The following CRPPA variants were observed in gnomAD, a reference collection of about 807,000 sequenced individuals.
The protein encoded by CRPPA is CDP-L-ribitol pyrophosphorylase A.
Under a neutral mutation model 52.0 loss-of-function variants are expected in CRPPA, and 43 were observed. The observed-to-expected ratio is 0.83, with a 90% CI of 0.65 to 1.07. The LOEUF (loss-of-function observed/expected upper bound fraction) is 1.07, where lower values mean the gene tolerates loss of function less well. Ranked by LOEUF, CRPPA falls within the 50% of genes least tolerant of loss-of-function variation. The pLI is 0.00. For missense variants in CRPPA, 629 were observed against 551.7 expected (o/e 1.14, Z -1.40); for synonymous variants, 250 against 203.5 (o/e 1.23, Z -1.94).
Position 16,254,771 on chromosome 7 carries a change from C to CAGAAAGAAAGAAAGAA in CRPPA, c.1119+3603_1119+3618dup, listed in dbSNP as rs373072535. Reference sequence around the variant, plus strand: ...ACAGAAAGAAAGAAAGACAGACACACAGAAAGAAAGAAAGAAAGAAGGAAA... The same window carrying CAGAAAGAAAGAAAGAA: ...ACAGAAAGAAAGAAAGACAGACACACAGAAAGAAAGAAAGAAAGAAAGAAAGAAAGAAAGAAGGAAA... On this transcript the variant is annotated intron_variant, in intron 8 of 9. Coordinates refer to ENST00000407010, the MANE Select transcript of CRPPA (RefSeq NM_001101426.4). 9.3e-4 allele frequency among the ~76,000 whole-genome samples: 103 copies of CAGAAAGAAAGAAAGAA among 111,004 alleles called. 2 individuals are homozygous for CAGAAAGAAAGAAAGAA. The highest frequency in any genetic ancestry group is 3.3e-3 in the African/African-American group (94 of 28,474). 72.8% of individuals were successfully genotyped at this position (111,004 alleles called of 152,430 possible).
intron 4 of CRPPA, among the ~76,000 whole-genome samples, chr7:16,303,009 C>T (rs1784822921): frequency 6.6e-6 from 1 of 152,044 alleles, no homozygotes; most frequent in Non-Finnish European, 1.5e-5. Context: ...ATGAATAACC[C>T]ATCAATTGAG....
chr7:16,399,757 C>G (rs1378834642), intron 2 of CRPPA, among the ~76,000 whole-genome samples: 1 of 151,996 alleles, frequency 6.6e-6, no homozygotes. Flanking sequence ...ACACGTTTCT[C>G]ACAAGTGACA....
intron 2 of CRPPA, among the ~76,000 whole-genome samples, chr7:16,403,685 G>C (rs542391562): frequency 1.1e-4 from 17 of 152,304 alleles, no homozygotes; most frequent in Admixed American, 2.0e-4. Flanking sequence ...AGTCAGTACA[G>C]TGAGAGAACT....
intron 9 of CRPPA, among the ~76,000 whole-genome samples, chr7:16,156,137 C>T (rs1047421254): frequency 2.1e-5 from 3 of 144,832 alleles, no homozygotes; most frequent in Non-Finnish European, 3.0e-5. Context: ...AAAAAAAATA[C>T]GCTATTTAAT....
intron 3 of CRPPA, among the ~76,000 whole-genome samples, chr7:16,350,730 C>A (rs575461158): frequency 1.3e-5 from 2 of 152,088 alleles, no homozygotes; most frequent in African/African-American, 4.8e-5. Flanking sequence ...AACCAATTGA[C>A]AGAATGGCAC....
intron 8 of CRPPA, among the ~76,000 whole-genome samples, chr7:16,219,546 C>A: frequency 1.8e-5 from 2 of 110,208 alleles, no homozygotes; most frequent in Admixed American, 1.1e-4. Context: ...AGACCGCTAG[C>A]AAGACTAATA....
intron 9 of CRPPA, among the ~76,000 whole-genome samples, chr7:16,161,242 G>A (rs969386555): frequency 6.6e-6 from 1 of 152,154 alleles, no homozygotes; most frequent in Non-Finnish European, 1.5e-5. Context: ...TGGTGAGAGA[G>A]GGTATCCTTG....
At chr7:16,203,308 G>A (rs28411293) in intron 9 of CRPPA, among the ~76,000 whole-genome samples, 3,908 of 152,086 alleles carry the variant, frequency 0.026, 158 homozygotes, top group African/African-American at 0.09. Context: ...CCTTATTCTC[G>A]TTCATGAAGT....
intron 8 of CRPPA, among the ~76,000 whole-genome samples, chr7:16,238,754 T>C (rs1783019453): frequency 6.6e-6 from 1 of 151,906 alleles, no homozygotes; most frequent in South Asian, 2.1e-4. Context: ...ATTATTCTGC[T>C]AAATCTACAC....
In CRPPA at chr7:16,139,774, T is replaced by C. The variant is rs989455113; in HGVS notation, c.1252-47975A>G. Among the ~76,000 whole-genome samples, 3 of 152,166 alleles carry C rather than the reference T, an allele frequency of 2.0e-5. No homozygotes were observed. The East Asian group carries it at 5.8e-4, about 29-fold the overall frequency. On this transcript the variant is annotated intron_variant, in intron 9 of 9. Transcript: ENST00000407010. The stretch of plus-strand genomic sequence containing the variant: ...AATGTGTCTCTTGAATTACCCAGGC[T>C]CAACTCTGCCACATGATTTAAGAAT...
chr7:16,104,302 C>T (rs1477975522), intron 9 of CRPPA, among the ~76,000 whole-genome samples: 5 of 152,156 alleles, frequency 3.3e-5, no homozygotes, highest in African/African-American at 1.2e-4. Flanking sequence ...AGAAGCAATC[C>T]TTTCTCAAGG....
chr7:16,339,816 C>A (rs776107510), intron 3 of CRPPA, among the ~76,000 whole-genome samples: 1 of 151,980 alleles, frequency 6.6e-6, no homozygotes, highest in Non-Finnish European at 1.5e-5. Flanking sequence ...CTGGAGTAAG[C>A]CATTATGTCA....
intron 8 of CRPPA, among the ~76,000 whole-genome samples, chr7:16,241,421 T>C (rs933467657): frequency 2.6e-5 from 4 of 152,044 alleles, no homozygotes; most frequent in African/African-American, 9.7e-5. Flanking sequence ...ATAAAATCAT[T>C]GTATATACAA....
At chr7:16,326,246 T>A (rs1440581420) in intron 3 of CRPPA, among the ~76,000 whole-genome samples, 6 of 152,136 alleles carry the variant, frequency 3.9e-5, no homozygotes, top group Non-Finnish European at 5.9e-5. Flanking sequence ...CAAAGGATTA[T>A]CATGATATTA....
chr7:16,397,132 T>C (rs927780387), intron 2 of CRPPA, among the ~76,000 whole-genome samples: 1 of 152,192 alleles, frequency 6.6e-6, no homozygotes, highest in Non-Finnish European at 1.5e-5. Flanking sequence ...ACTGACAAGT[T>C]AGAGATGCGT....
intron 9 of CRPPA, among the ~76,000 whole-genome samples, chr7:16,194,197 T>C (rs566001592): frequency 2.6e-5 from 4 of 152,240 alleles, no homozygotes; most frequent in Admixed American, 1.3e-4. Context: ...TTAGTCCATA[T>C]TGTGGGCAGG....
chr7:16,407,597 T>A (rs545781734), intron 1 of CRPPA, among the ~76,000 whole-genome samples: 1 of 151,952 alleles, frequency 6.6e-6, no homozygotes, highest in East Asian at 1.9e-4. Flanking sequence ...GCATAAAGAT[T>A]ACCTTTACTG....
chr7:16,235,570 CAG>C (rs1782927037), intron 8 of CRPPA, among the ~76,000 whole-genome samples: 1 of 151,996 alleles, frequency 6.6e-6, no homozygotes, highest in African/African-American at 2.4e-5. Context: ...ATGAAAACAG[CAG>C]AGTTGATAGT....
At chr7:16,191,238 C>T (rs895554079) in intron 9 of CRPPA, among the ~76,000 whole-genome samples, 4 of 151,948 alleles carry the variant, frequency 2.6e-5, no homozygotes, top group African/African-American at 7.3e-5. Flanking sequence ...CAGAGGTTTG[C>T]CGAGTATGTT....
Sources: allele counts gnomAD v4.1 joint callset (sites outside exome capture counted in the v4.1 genomes callset), GRCh38; gene constraint gnomAD v4.1.1; transcripts MANE v1.5; gene names NCBI Gene and HGNC (gene_info 2026-07-23, HGNC 2026-07-21).